GRID1: variants seen among roughly 807,000 people sequenced by gnomAD.
GRID1 encodes glutamate receptor ionotropic, delta-1.
GRID1 carries 28 observed loss-of-function variants against 98.0 expected under a neutral mutation model. The observed-to-expected ratio is 0.29, with a 90% confidence interval of 0.21 to 0.39. The LOEUF (loss-of-function observed/expected upper bound fraction) is 0.39. GRID1 is among the 10% of genes least tolerant of loss of function. The pLI is 1.00. For missense variants in GRID1, 1,111 were observed against 1,340.5 expected, an observed-to-expected ratio of 0.83 and a Z score of 2.67; for synonymous variants, 553 against 538.5, an observed-to-expected ratio of 1.03 and a Z score of -0.37.
chr10:85,670,873 G>A (rs1841077710), intron 12 of GRID1, among the ~76,000 whole-genome samples: 1 of 152,122 alleles, frequency 6.6e-6, no homozygotes, highest in Non-Finnish European at 1.5e-5. Flanking sequence ...GTCATAGATG[G>A]TTTGCCACTC....
In GRID1 at chr10:85,736,165, G is replaced by C. The variant is rs569703577; in HGVS notation, c.1234-6551C>G. Among the ~76,000 whole-genome samples the C allele has an allele frequency of 1.6e-4, 22 of 138,126 alleles. 1 individual carries two copies. The East Asian group carries it at 3.4e-3, about 22-fold the overall frequency. 90.6% of individuals were successfully genotyped at this position (138,126 alleles called of 152,430 possible). A position where few individuals can be genotyped will look rare whatever the true frequency, so the allele number is the denominator to read the frequency against. ...AGAAGGAAGGAAGGAGGGAGGGAGG[G>C]ACACAGGAAGAAAGGAAGGAAGGAG... On this transcript the variant is annotated intron_variant, in intron 8 of 15. Coordinates refer to ENST00000327946, the MANE Select transcript of GRID1 (RefSeq NM_017551.3).
At chr10:86,309,325 A>C (rs763119379) in intron 2 of GRID1, among the ~76,000 whole-genome samples, 3 of 152,186 alleles carry the variant, frequency 2.0e-5, no homozygotes, top group Non-Finnish European at 1.5e-5. Flanking sequence ...CTAATGATAC[A>C]ATAATTAACA....
chr10:85,902,778 G>C (rs1439671286), intron 5 of GRID1, among the ~76,000 whole-genome samples: 3 of 152,152 alleles, frequency 2.0e-5, no homozygotes. Context: ...TGAGGGTTCT[G>C]TCCTCCCACC....
intron 13 of GRID1, among the ~76,000 whole-genome samples, chr10:85,627,859 A>G (rs920936838): frequency 1.3e-5 from 2 of 152,122 alleles, no homozygotes; most frequent in African/African-American, 4.8e-5. Context: ...CAGTTCCCAG[A>G]TGGTCAGGAG....
chr10:86,078,820 G>A (rs1392465479), intron 4 of GRID1, among the ~76,000 whole-genome samples: 1 of 152,220 alleles, frequency 6.6e-6, no homozygotes, highest in Non-Finnish European at 1.5e-5. Flanking sequence ...CCCTGGGACT[G>A]TGTTTGCCTT....
At chr10:85,739,167 C>A (rs1331998982) in intron 8 of GRID1, among the ~76,000 whole-genome samples, 1 of 152,088 alleles carries the variant, frequency 6.6e-6, no homozygotes, top group African/African-American at 2.4e-5. Flanking sequence ...AACACACACA[C>A]ACATACAATG....
intron 12 of GRID1, among the ~76,000 whole-genome samples, chr10:85,717,570 A>G (rs1841653981): frequency 6.6e-6 from 1 of 152,144 alleles, no homozygotes. Flanking sequence ...ATTCTGGGAG[A>G]TACAATTCAA....
chr10:85,873,258 G>C (rs146045473), intron 5 of GRID1, among the ~76,000 whole-genome samples: 25 of 152,336 alleles, frequency 1.6e-4, no homozygotes, highest in African/African-American at 5.3e-4. Flanking sequence ...AATCCAAGTG[G>C]CTTCTTGGAA....
At chr10:86,055,835 C>T (rs938752970) in intron 4 of GRID1, among the ~76,000 whole-genome samples, 6 of 152,182 alleles carry the variant, frequency 3.9e-5, no homozygotes, top group Non-Finnish European at 8.8e-5. Context: ...CTCTCTCTCT[C>T]TCTCATGTGA....
intron 6 of GRID1, among the ~76,000 whole-genome samples, chr10:85,856,857 G>A (rs1446913672): frequency 2.0e-5 from 3 of 152,242 alleles, no homozygotes; most frequent in Non-Finnish European, 4.4e-5. Context: ...CAAGACGACT[G>A]TGTCAATGGG....
intron 8 of GRID1, among the ~76,000 whole-genome samples, chr10:85,804,240 A>C (rs887687429): frequency 2.0e-5 from 3 of 151,888 alleles, no homozygotes; most frequent in Admixed American, 2.0e-4. Context: ...ATGATAATAA[A>C]AGACTGCTAT....
chr10:85,796,926 A>G (rs2132748032), intron 8 of GRID1, among the ~76,000 whole-genome samples: 1 of 152,326 alleles, frequency 6.6e-6, no homozygotes, highest in East Asian at 1.9e-4. Flanking sequence ...TCTAACAATG[A>G]CCCATTTTAG....
At chr10:85,978,191 AT>A (rs1842498237) in intron 4 of GRID1, among the ~76,000 whole-genome samples, 1 of 152,146 alleles carries the variant, frequency 6.6e-6, no homozygotes, top group Non-Finnish European at 1.5e-5. Flanking sequence ...ATTTTTTTAA[AT>A]CCCCCAAAGC....
intron 4 of GRID1, among the ~76,000 whole-genome samples, chr10:86,130,908 C>A (rs1022940551): frequency 3.3e-5 from 5 of 152,174 alleles, no homozygotes; most frequent in African/African-American, 1.2e-4. Context: ...AAAGCGCTCA[C>A]CCCAGTTCCT....
chr10:86,228,045 T>C (rs1012658806), intron 2 of GRID1, among the ~76,000 whole-genome samples: 2 of 151,466 alleles, frequency 1.3e-5, no homozygotes, highest in Non-Finnish European at 2.9e-5. Context: ...GAAAGATGGT[T>C]GAATGCGTGG....
chr10:86,240,968 T>C (rs536404084), intron 2 of GRID1, among the ~76,000 whole-genome samples: 2 of 152,312 alleles, frequency 1.3e-5, no homozygotes, highest in South Asian at 4.1e-4. Flanking sequence ...AAGGCCCCAC[T>C]GGCCCTGGGG....
At chr10:85,936,518 T>TAA (rs58110757) in intron 4 of GRID1, among the ~76,000 whole-genome samples, 48,265 of 145,744 alleles carry the variant, frequency 0.33, 7,898 homozygotes, top group East Asian at 0.44. Context: ...AGCACCAAAC[T>TAA]AAAAAAAAAA....
intron 3 of GRID1, among the ~76,000 whole-genome samples, chr10:86,204,045 G>A (rs1325029822): frequency 2.0e-5 from 3 of 152,148 alleles, no homozygotes; most frequent in Non-Finnish European, 4.4e-5. Flanking sequence ...AGGTAGCAAA[G>A]GTGTCCATGT....
intron 4 of GRID1, among the ~76,000 whole-genome samples, chr10:86,006,925 T>C (rs995412118): frequency 1.3e-5 from 2 of 152,076 alleles, no homozygotes; most frequent in African/African-American, 4.8e-5. Flanking sequence ...GAAGCTGTGA[T>C]GTCAGTGCCA....
Sources: gnomAD v4.1 joint callset for allele counts (sites outside exome capture counted in the v4.1 genomes callset) on GRCh38, gnomAD v4.1.1 for gene constraint, MANE v1.5 for transcripts, NCBI Gene and HGNC (gene_info 2026-07-23, HGNC 2026-07-21) for gene names.